The following OPHN1 variants were observed in gnomAD, a reference collection of about 807,000 sequenced individuals.
The protein encoded by OPHN1 is oligophrenin 1.
OPHN1 carries 11 observed loss-of-function variants against 60.7 expected under a neutral mutation model. The observed-to-expected ratio is 0.18, with a 90% CI of 0.11 to 0.30. The LOEUF (loss-of-function observed/expected upper bound fraction) is 0.30. Among genes scored for constraint, OPHN1 ranks in the 10% least tolerant of loss-of-function variants. The pLI, the probability that OPHN1 is intolerant of heterozygous loss-of-function variation, is 1.00. For synonymous variants in OPHN1, 226 were observed against 222.6 expected, an observed-to-expected ratio of 1.02 and a Z score of -0.14; for missense variants, 449 against 611.0, an observed-to-expected ratio of 0.73 and a Z score of 2.80.
intron 2 of OPHN1, among the ~76,000 whole-genome samples, chrX:68,383,219 G>C (rs1400996810): frequency 9.0e-6 from 1 of 110,626 alleles, no homozygotes; most frequent in African/African-American, 3.3e-5. Flanking sequence ...GAGAAAAATA[G>C]GTCACCTCTC....
intron 2 of OPHN1, among the ~76,000 whole-genome samples, chrX:68,402,349 GAGGAGA>G (rs961252970): frequency 4.6e-4 from 47 of 103,022 alleles, no homozygotes; most frequent in Middle Eastern, 5.1e-3. Context: ...GAAGAAGAAG[GAGGAGA>G]AGGAGAAGGA....
At chrX:68,377,586 C>G (rs1257857780) in intron 2 of OPHN1, among the ~76,000 whole-genome samples, 1 of 107,722 alleles carries the variant, frequency 9.3e-6, no homozygotes, top group African/African-American at 3.4e-5. Flanking sequence ...CCTCCTCCCC[C>G]CACCCCACAA....
At chrX:68,245,618 G>C (rs916056989) in intron 5 of OPHN1, among the ~76,000 whole-genome samples, 1 of 111,157 alleles carries the variant, frequency 9.0e-6, no homozygotes, top group African/African-American at 3.3e-5. Context: ...GTGGCTACCA[G>C]CCTGACTCTG....
At chrX:68,265,732 G>A (rs2077921170) in intron 5 of OPHN1, among the ~76,000 whole-genome samples, 1 of 111,361 alleles carries the variant, frequency 9.0e-6, no homozygotes, top group Non-Finnish European at 1.9e-5. Flanking sequence ...ACTACTCCGA[G>A]CTAAAGGAGG....
intron 18 of OPHN1, among the ~76,000 whole-genome samples, chrX:68,098,070 C>T (rs2077044359): frequency 9.1e-6 from 1 of 110,420 alleles, no homozygotes; most frequent in African/African-American, 3.3e-5. Context: ...GACCCCCATA[C>T]CTCTCTGCTC....
chrX:68,333,057 C>T (rs1189490271), intron 2 of OPHN1, among the ~76,000 whole-genome samples: 2 of 110,711 alleles, frequency 1.8e-5, no homozygotes, highest in African/African-American at 6.6e-5. Context: ...ACTTCAAGTT[C>T]ACATTCTAGC....
At chrX:68,135,284 CAAAT>C (rs201024575) in intron 15 of OPHN1, among the ~76,000 whole-genome samples, 6,920 of 110,668 alleles carry the variant, frequency 0.063, 524 homozygotes, top group African/African-American at 0.22. Flanking sequence ...TAGTTGCAAA[CAAAT>C]AAAAATACTT....
At chrX:68,113,095 C>T in intron 17 of OPHN1, 86 bp downstream of exon 17, 4 of 797,511 alleles carry the variant, frequency 5.0e-6, no homozygotes, top group Non-Finnish European at 7.5e-6. Context: ...CCCTCAATCA[C>T]TTCCCCTCAA....
At chrX:68,200,243 C>T (rs1388477937) in intron 11 of OPHN1, among the ~76,000 whole-genome samples, 1 of 111,414 alleles carries the variant, frequency 9.0e-6, no homozygotes, top group Non-Finnish European at 1.9e-5. Flanking sequence ...TATATGATAA[C>T]TAAAAGTGTA....
chrX:68,251,926 GTTCTGCTAAAGGAAGAATGTATT>G (rs1283813178), intron 5 of OPHN1, among the ~76,000 whole-genome samples: 16 of 112,290 alleles, frequency 1.4e-4, no homozygotes, highest in African/African-American at 5.2e-4. Context: ...TGACCTTGCA[GTTCTGCTAAAGGAAGAATGTATT>G]TCACCTCCTT....
At chrX:68,239,157 C>G (rs1020823462) in intron 5 of OPHN1, among the ~76,000 whole-genome samples, 3 of 111,466 alleles carry the variant, frequency 2.7e-5, no homozygotes, top group African/African-American at 9.8e-5. Context: ...TGCCTCTCCT[C>G]TGACCGCCCT....
intron 21 of OPHN1, among the ~76,000 whole-genome samples, chrX:68,059,274 A>C (rs1602128422): frequency 8.9e-6 from 1 of 112,044 alleles, no homozygotes; most frequent in Non-Finnish European, 1.9e-5. Flanking sequence ...TAACATTTGC[A>C]GAGTTCTTGG....
intron 10 of OPHN1, among the ~76,000 whole-genome samples, chrX:68,203,402 G>A (rs998620809): frequency 9.0e-6 from 1 of 111,624 alleles, no homozygotes; most frequent in African/African-American, 3.3e-5. Context: ...ACTGGCCCAC[G>A]TGGCTCATTA....
chrX:68,310,721 A>G (rs1345172133), intron 2 of OPHN1, among the ~76,000 whole-genome samples: 9 of 111,985 alleles, frequency 8.0e-5, no homozygotes, highest in Non-Finnish European at 1.7e-4. Flanking sequence ...CTCAAAAGAA[A>G]CAAGAATCAG....
chrX:68,410,519 G>A (rs980318433), intron 2 of OPHN1, among the ~76,000 whole-genome samples: 3 of 107,946 alleles, frequency 2.8e-5, no homozygotes, highest in Non-Finnish European at 5.7e-5. Context: ...CCAAGATAGC[G>A]CCACTGCACT....
intron 2 of OPHN1, among the ~76,000 whole-genome samples, chrX:68,348,046 A>G (rs1282112325): frequency 8.9e-6 from 1 of 112,022 alleles, no homozygotes; most frequent in Non-Finnish European, 1.9e-5. Context: ...ACAAAAGGCT[A>G]GGAATAGGGA....
chrX:68,374,369 A>AAT (rs2078545791), intron 2 of OPHN1, among the ~76,000 whole-genome samples: 1 of 110,240 alleles, frequency 9.1e-6, no homozygotes, highest in African/African-American at 3.3e-5. Flanking sequence ...AAAAAAAAAA[A>AAT]ATCACTAAAT....
chrX:68,385,592 T>A (rs1461305954), intron 2 of OPHN1, among the ~76,000 whole-genome samples: 4 of 111,988 alleles, frequency 3.6e-5, no homozygotes, highest in Non-Finnish European at 7.5e-5. Flanking sequence ...AAAGAAAAAA[T>A]TCCTCTACAT....
intron 3 of OPHN1, among the ~76,000 whole-genome samples, chrX:68,290,895 C>G (rs765927291): frequency 9.0e-6 from 1 of 111,589 alleles, no homozygotes; most frequent in Admixed American, 9.6e-5. Context: ...ATAGTGTACA[C>G]AAAGCAGTAG....
Sources: gnomAD v4.1 joint callset for allele counts (sites outside exome capture counted in the v4.1 genomes callset) on GRCh38, gnomAD v4.1.1 for gene constraint, MANE v1.5 for transcripts, NCBI Gene and HGNC (gene_info 2026-07-23, HGNC 2026-07-21) for gene names.